Variants in STPG2 observed in about 807,000 individuals in gnomAD.
The protein encoded by STPG2 is sperm-tail PG-rich repeat-containing protein 2.
In STPG2, 56 loss-of-function variants were observed where a neutral mutation model predicts 54.2. That is an observed-to-expected ratio of 1.03 (90% CI 0.83 to 1.29). STPG2 has a LOEUF of 1.29. STPG2 is among the 50% of genes most tolerant of loss of function. The pLI is 0.00. For missense variants in STPG2, 596 were observed against 544.9 expected, an observed-to-expected ratio of 1.09 and a Z score of -0.93; for synonymous variants, 200 against 181.8, an observed-to-expected ratio of 1.10 and a Z score of -0.81.
At chr4:97,845,244 A>C (rs1455882671) in intron 8 of STPG2, among the ~76,000 whole-genome samples, 2 of 151,878 alleles carry the variant, frequency 1.3e-5, no homozygotes, top group Admixed American at 6.6e-5. Context: ...ATTTCACCTA[A>C]GTTTTCAAAT....
intron 9 of STPG2, among the ~76,000 whole-genome samples, chr4:97,839,032 G>C (rs1233706180): frequency 1.3e-5 from 2 of 151,492 alleles, no homozygotes; most frequent in Non-Finnish European, 3.0e-5. Flanking sequence ...CAGTGACTTT[G>C]ACAGTCACTA....
At chr4:97,743,631 G>C (rs1318506543) in intron 9 of STPG2, among the ~76,000 whole-genome samples, 1 of 151,578 alleles carries the variant, frequency 6.6e-6, no homozygotes, top group South Asian at 2.1e-4. Flanking sequence ...TAGCATCTTT[G>C]TGCTAGAGGG....
intron 8 of STPG2, among the ~76,000 whole-genome samples, chr4:97,903,306 T>C (rs1731251785): frequency 6.6e-6 from 1 of 152,162 alleles, no homozygotes; most frequent in Non-Finnish European, 1.5e-5. Flanking sequence ...TATGTGCATA[T>C]ATGTGTGTAT....
intron 10 of STPG2, among the ~76,000 whole-genome samples, chr4:97,680,301 A>G (rs1403083177): frequency 6.6e-6 from 1 of 150,974 alleles, no homozygotes; most frequent in Non-Finnish European, 1.5e-5. Flanking sequence ...CTTTTATTTC[A>G]TTGAGCAGTG....
intron 1 of STPG2, among the ~76,000 whole-genome samples, chr4:98,140,779 C>T (rs967103658): frequency 2.6e-5 from 4 of 151,944 alleles, no homozygotes; most frequent in African/African-American, 7.3e-5. Flanking sequence ...AAAAAAGTAA[C>T]TGGTTATGAC....
rs561256875 is a variant in STPG2, at chr4:97,983,699, T to C, written c.613-2381A>G. On this transcript the variant is annotated intron_variant, in intron 5 of 10. Coordinates refer to ENST00000295268, the MANE Select transcript of STPG2 (RefSeq NM_174952.3). ...GGAATCCTTTTTCTTTCAGTAGGAA[T>C]AGAATTAGAGACCAAGATCTGGGCA... is the stretch of plus-strand genomic sequence containing the variant. 5.3e-5 allele frequency among the ~76,000 whole-genome samples: 8 copies of C among 152,318 alleles called. No individual in the cohort carries two copies. In the South Asian group the frequency reaches 1.7e-3, roughly 32 times the overall value.
chr4:98,134,950 T>C (rs935551041), intron 1 of STPG2, among the ~76,000 whole-genome samples: 1 of 151,816 alleles, frequency 6.6e-6, no homozygotes, highest in Non-Finnish European at 1.5e-5. Context: ...TATCAGTAAA[T>C]ATTTCTTGAT....
chr4:97,517,548 C>T (rs1731100177), intron 4 of STPG2, among the ~76,000 whole-genome samples: 1 of 152,052 alleles, frequency 6.6e-6, no homozygotes, highest in Non-Finnish European at 1.5e-5. Flanking sequence ...TCTATAATTC[C>T]ACATACAAAA....
rs187041486 is a variant in STPG2 at position 97,730,648 on chromosome 4, G to A, written c.1205-17834C>T. Among the ~76,000 whole-genome samples the A allele has an allele frequency of 1.6e-3, 247 of 152,274 alleles. 2 individuals are homozygous for A. Among genetic ancestry groups the A allele is most frequent in the Admixed American group, 0.011 (161 of 15,306 alleles). ...ATTGCTTACCCTGTCTCCTCTCTCAGAAATGCCAATGAGTCATTGGTTTGG... is the reference window on the plus strand; with the variant it reads ...ATTGCTTACCCTGTCTCCTCTCTCAAAAATGCCAATGAGTCATTGGTTTGG... On this transcript the variant is annotated intron_variant, in intron 9 of 10. Coordinates refer to ENST00000295268, the MANE Select transcript of STPG2 (RefSeq NM_174952.3).
intron 8 of STPG2, among the ~76,000 whole-genome samples, chr4:97,916,012 T>C (rs1242200410): frequency 6.6e-6 from 1 of 152,100 alleles, no homozygotes; most frequent in African/African-American, 2.4e-5. Context: ...GTGAGAGATA[T>C]CTTAGAGGTG....
chr4:97,447,302 G>A (rs1217047960), intron 4 of STPG2, among the ~76,000 whole-genome samples: 1 of 152,216 alleles, frequency 6.6e-6, no homozygotes, highest in East Asian at 1.9e-4. Context: ...TTACCATGTA[G>A]TAGAAAAGAA....
In STPG2 at chr4:98,066,916, T is replaced by C. The variant is rs143397259; in HGVS notation, c.612+39037A>G. Among the ~76,000 whole-genome samples the C allele has an allele frequency of 5.7e-4, 87 of 152,320 alleles. 1 individual carries two copies. In the East Asian group the frequency reaches 0.016, roughly 28 times the overall value. Reference sequence around the variant, plus strand: ...CAGTTATGGTTCTTTTTATTAAATATATAATATGTATTCAGAAACACAGAG... The same window carrying C: ...CAGTTATGGTTCTTTTTATTAAATACATAATATGTATTCAGAAACACAGAG... On this transcript the variant is annotated intron_variant, in intron 5 of 10. Transcript: ENST00000295268.
At chr4:97,717,885 G>T (rs1724340065) in intron 9 of STPG2, among the ~76,000 whole-genome samples, 1 of 152,078 alleles carries the variant, frequency 6.6e-6, no homozygotes, top group Non-Finnish European at 1.5e-5. Flanking sequence ...ATATGAAGTT[G>T]TCTTCGAGGT....
In STPG2 at chr4:97,846,785, T is replaced by C. The variant is rs1337102370; in HGVS notation, c.1045-5853A>G. Among the ~76,000 whole-genome samples the C allele has an allele frequency of 2.0e-5, 3 of 152,066 alleles. No individual in the cohort carries two copies. The East Asian group carries it at 5.8e-4, about 29-fold the overall frequency. ...TCTAGGTCTAATAGCAAGAGGTATATGAAAGAAATTCTTGCAATACACTAG... is the reference window on the plus strand; with the variant it reads ...TCTAGGTCTAATAGCAAGAGGTATACGAAAGAAATTCTTGCAATACACTAG... On this transcript the variant is annotated intron_variant, in intron 8 of 10. Coordinates refer to ENST00000295268, the MANE Select transcript of STPG2 (RefSeq NM_174952.3).
chr4:97,536,397 TAA>T (rs1390875215), intron 4 of STPG2, among the ~76,000 whole-genome samples: 1 of 152,112 alleles, frequency 6.6e-6, no homozygotes, highest in Non-Finnish European at 1.5e-5. Flanking sequence ...TCTGATGGAT[TAA>T]AAGTGACAAA....
chr4:97,444,981 G>T lies in STPG2; in HGVS notation c.463-257148C>A, dbSNP rs1359613657. Reference sequence around the variant, plus strand: ...GAACCCAGGAGGCAGAGCTTGCAGTGAGTGGAGATCGTGCCACTGCACTCC... The same window carrying T: ...GAACCCAGGAGGCAGAGCTTGCAGTTAGTGGAGATCGTGCCACTGCACTCC... On this transcript the variant is annotated intron_variant, in intron 4 of 4. Coordinates refer to the STPG2 transcript ENST00000522676. 2.0e-5 allele frequency among the ~76,000 whole-genome samples: 3 copies of T among 152,186 alleles called. No homozygotes were observed. The East Asian group carries it at 5.8e-4, about 29-fold the overall frequency.
At chr4:97,491,118 A>G (rs1350483719) in intron 4 of STPG2, among the ~76,000 whole-genome samples, 1 of 151,358 alleles carries the variant, frequency 6.6e-6, no homozygotes, top group Admixed American at 6.6e-5. Context: ...TAAGTCCACC[A>G]TTTCAAATTC....
rs568913943 is a variant in STPG2 at position 97,680,302 on chromosome 4, T to C, written c.1320+32397A>G. Among the ~76,000 whole-genome samples, 20 of 151,752 alleles carry C rather than the reference T, an allele frequency of 1.3e-4. No homozygotes were observed. The South Asian group carries it at 3.6e-3, about 27-fold the overall frequency. ...TTTGTTTGTATCCTCTTTTATTTCA[T>C]TGAGCAGTGGTTTGTAGTTCTCCTT... On this transcript the variant is annotated intron_variant, in intron 10 of 10. Transcript: ENST00000295268.
chr4:97,841,041 T>G (rs2149121852), intron 8 of STPG2, 109 bp from the exon 9 acceptor site: 1 of 1,001,826 alleles, frequency 1.0e-6, no homozygotes, highest in South Asian at 2.0e-5. Flanking sequence ...ATCCTAATAC[T>G]TTTATTAATT....
Sources: allele counts gnomAD v4.1 joint callset (sites outside exome capture counted in the v4.1 genomes callset), GRCh38; gene constraint gnomAD v4.1.1; transcripts MANE v1.5; gene names NCBI Gene and HGNC (gene_info 2026-07-23, HGNC 2026-07-21).